Variants in EPB41 observed in about 807,000 individuals in gnomAD.
EPB41 encodes the protein erythrocyte membrane protein band 4.1, also known as protein 4.1.
In EPB41, 65 loss-of-function variants were observed where a neutral mutation model predicts 108.0. The observed-to-expected ratio is 0.60, with a 90% confidence interval of 0.49 to 0.74. The LOEUF is 0.74. Ranked by LOEUF, EPB41 falls within the 30% of genes least tolerant of loss-of-function variation. The pLI is 0.00. For missense variants in EPB41, 875 were observed against 1,037.0 expected (o/e 0.84, Z 2.15); for synonymous variants, 336 against 358.9 (o/e 0.94, Z 0.72).
At chr1:29,111,023 C>G (rs1389021158) in intron 18 of EPB41, among the ~76,000 whole-genome samples, 1 of 151,906 alleles carries the variant, frequency 6.6e-6, no homozygotes, top group Non-Finnish European at 1.5e-5. Flanking sequence ...AAAAATTAGC[C>G]GAGCATGGTG....
At chr1:29,037,840 G>A (rs1640080231) in intron 10 of EPB41, among the ~76,000 whole-genome samples, 1 of 152,040 alleles carries the variant, frequency 6.6e-6, no homozygotes. Context: ...GGCCCAGTTT[G>A]CCTTTTTAAG....
chr1:28,949,848 C>T (rs1242608141), intron 1 of EPB41, among the ~76,000 whole-genome samples: 6 of 152,064 alleles, frequency 3.9e-5, no homozygotes, highest in East Asian at 1.9e-4. Context: ...GTGATGTGCC[C>T]GCCTCGGCCT....
chr1:28,997,920 C>A (rs948990221), intron 4 of EPB41, among the ~76,000 whole-genome samples: 4 of 152,134 alleles, frequency 2.6e-5, no homozygotes, highest in Non-Finnish European at 5.9e-5. Flanking sequence ...TACCTCAGAA[C>A]ACTTTAATTA....
At chr1:28,991,626 T>C (rs2096019630) in intron 2 of EPB41, among the ~76,000 whole-genome samples, 1 of 148,808 alleles carries the variant, frequency 6.7e-6, no homozygotes, top group African/African-American at 2.5e-5. Context: ...CACTTGAGTC[T>C]GAGAGGTCGA....
chr1:29,045,750 A>C (rs920019146), intron 11 of EPB41, among the ~76,000 whole-genome samples: 2 of 144,702 alleles, frequency 1.4e-5, no homozygotes, highest in Non-Finnish European at 3.0e-5. Flanking sequence ...AGGTGGGAGG[A>C]TCGCTTGAGT....
intron 17 of EPB41, among the ~76,000 whole-genome samples, chr1:29,104,083 A>AAT (rs1348805147): frequency 6.6e-6 from 1 of 152,202 alleles, no homozygotes; most frequent in Non-Finnish European, 1.5e-5. Context: ...GTGTGCAGTC[A>AAT]AATTACTAAA....
chr1:29,115,884 G>A lies in EPB41; in HGVS notation c.*6+81G>A, dbSNP rs1670777668. ...TCTGGATGGGACCCTCGGACACACT[G>A]GGAGCCCATCCCCACAAAGAGGTGT... On this transcript the variant is annotated intron_variant, in intron 20 of 20. Transcript: ENST00000343067. The surrounding 1 kb of genome is among the most constrained non-coding windows in gnomAD (Gnocchi z 4.4). The A allele has an allele frequency of 1.8e-6, 2 of 1,086,558 alleles. No individual in the cohort carries two copies. Among genetic ancestry groups the A allele is most frequent in the Non-Finnish European group, 2.8e-6 (2 of 708,740 alleles). The allele number at this position is 1,086,558 out of a possible 1,614,324, so 67.3% of individuals were successfully genotyped here. A position where few individuals can be genotyped will look rare whatever the true frequency, so the allele number is the denominator to read the frequency against.
At chr1:28,895,080 C>G (rs896528677) in intron 1 of EPB41, among the ~76,000 whole-genome samples, 1 of 152,076 alleles carries the variant, frequency 6.6e-6, no homozygotes, top group African/African-American at 2.4e-5. Context: ...GTTGCCTTAC[C>G]TGTAAAGTAG....
At chr1:28,968,716 C>T (rs1056220374) in intron 1 of EPB41, among the ~76,000 whole-genome samples, 1 of 152,108 alleles carries the variant, frequency 6.6e-6, no homozygotes, top group Admixed American at 6.6e-5. Context: ...ATAATCCCAG[C>T]GCTTTGGGAG....
chr1:29,046,941 A>T (rs1410360753), intron 11 of EPB41, among the ~76,000 whole-genome samples: 1 of 152,018 alleles, frequency 6.6e-6, no homozygotes, highest in Non-Finnish European at 1.5e-5. Flanking sequence ...CATAAGAGAG[A>T]TAGGCCTATA....
At chr1:29,030,581 C>G in intron 8 of EPB41, 94 bp downstream of exon 8, 2 of 986,324 alleles carry the variant, frequency 2.0e-6, no homozygotes, top group Admixed American at 3.6e-5. Context: ...TCATATAATA[C>G]TTTTTAACAA....
chr1:28,926,771 A>C (rs2093470591), intron 1 of EPB41, among the ~76,000 whole-genome samples: 1 of 152,224 alleles, frequency 6.6e-6, no homozygotes, highest in African/African-American at 2.4e-5. Flanking sequence ...ATGGGAGAGA[A>C]TAATCTTGCA....
intron 16 of EPB41, chr1:29,068,894 T>G: frequency 1.1e-6 from 1 of 925,088 alleles, no homozygotes; most frequent in Non-Finnish European, 1.4e-6. Flanking sequence ...CCTTTTTTTC[T>G]TTTGGCTATA....
chr1:28,934,183 T>A (rs936931985), intron 1 of EPB41, among the ~76,000 whole-genome samples: 1 of 152,190 alleles, frequency 6.6e-6, no homozygotes. Context: ...ATTTGTGTGA[T>A]GTTTTTGTCA....
At chr1:29,065,358 A>C in intron 16 of EPB41, 200 bp downstream of exon 16, 1 of 844,622 alleles carries the variant, frequency 1.2e-6, no homozygotes, top group Non-Finnish European at 1.6e-6. Context: ...CAATTATAGG[A>C]GCTATTTGGA....
chr1:28,898,451 T>C (rs914924792), intron 1 of EPB41, among the ~76,000 whole-genome samples: 2 of 152,048 alleles, frequency 1.3e-5, no homozygotes, highest in African/African-American at 4.8e-5. Context: ...TCCACCTCAG[T>C]GAAGTGGGAA....
At chr1:28,943,451 G>A (rs925917475) in intron 1 of EPB41, among the ~76,000 whole-genome samples, 23 of 152,196 alleles carry the variant, frequency 1.5e-4, no homozygotes, top group African/African-American at 4.8e-4. Context: ...TCAGGAGTTC[G>A]AGACCAGCCT....
intron 1 of EPB41, among the ~76,000 whole-genome samples, chr1:28,922,583 C>T (rs1201986498): frequency 6.6e-6 from 1 of 151,352 alleles, no homozygotes; most frequent in African/African-American, 2.4e-5. Flanking sequence ...CAGGTGCATG[C>T]CACCGTGCCC....
intron 1 of EPB41, among the ~76,000 whole-genome samples, chr1:28,981,762 T>C (rs553990788): frequency 6.6e-6 from 1 of 152,166 alleles, no homozygotes; most frequent in Non-Finnish European, 1.5e-5. Flanking sequence ...TTTCACAACA[T>C]TGACTTCGTG....
Sources: allele counts gnomAD v4.1 joint callset (sites outside exome capture counted in the v4.1 genomes callset), GRCh38; gene constraint gnomAD v4.1.1; non-coding constraint Gnocchi (gnomAD v3.1); transcripts MANE v1.5; gene names NCBI Gene and HGNC (gene_info 2026-07-23, HGNC 2026-07-21).